The following SCMH1 variants were observed in gnomAD, a reference collection of about 807,000 sequenced individuals.
SCMH1 encodes polycomb protein SCMH1.
Under a neutral mutation model 70.8 loss-of-function variants are expected in SCMH1, and 37 were observed. The observed-to-expected ratio is 0.52, with a 90% CI of 0.40 to 0.69. The LOEUF (loss-of-function observed/expected upper bound fraction) is 0.69, where lower values mean the gene tolerates loss of function less well. Among genes scored for constraint, SCMH1 ranks in the 30% least tolerant of loss-of-function variants. The pLI is 0.00. For synonymous variants in SCMH1, 292 were observed against 307.4 expected (o/e 0.95, Z 0.52); for missense variants, 607 against 827.3 (o/e 0.73, Z 3.27).
chr1:41,050,670 T>G (rs1166681778), intron 10 of SCMH1, among the ~76,000 whole-genome samples: 1 of 151,930 alleles, frequency 6.6e-6, no homozygotes, highest in Non-Finnish European at 1.5e-5. Context: ...AGCCAGATAA[T>G]AAGAGAGGAG....
intron 13 of SCMH1, among the ~76,000 whole-genome samples, chr1:41,036,577 CCCT>C (rs747232947): frequency 5.3e-5 from 8 of 152,102 alleles, no homozygotes; most frequent in Non-Finnish European, 1.2e-4. Flanking sequence ...CTAGTTTTGT[CCCT>C]CCTCAAATCC....
chr1:41,227,947 T>C (rs891332066), intron 1 of SCMH1, among the ~76,000 whole-genome samples: 3 of 152,046 alleles, frequency 2.0e-5, no homozygotes, highest in Admixed American at 1.3e-4. Context: ...GATTGCACCA[T>C]TGCACTCCTG....
At chr1:41,128,666 T>C (rs1049083175) in intron 6 of SCMH1, among the ~76,000 whole-genome samples, 3 of 152,164 alleles carry the variant, frequency 2.0e-5, no homozygotes, top group African/African-American at 4.8e-5. Context: ...TTGGGGTTCA[T>C]TGAGCTTCTC....
Position 41,039,251 on chromosome 1 carries a change from GCAAACCATT to G in SCMH1, c.1499-1719_1499-1711del, listed in dbSNP as rs565554561. On this transcript the variant is annotated intron_variant, in intron 12 of 14. Coordinates refer to ENST00000337495, the Ensembl canonical transcript of SCMH1. ...AGCCAGAGGCTTACCAGATGCTGAT[GCAAACCATT>G]GAGTGTCTCTTCCTTTCAGCAATGC... Among the ~76,000 whole-genome samples, 176 of 152,318 alleles carry G rather than the reference GCAAACCATT, an allele frequency of 1.2e-3. 1 individual carries two copies. The highest frequency in any genetic ancestry group is 3.8e-3 in the African/African-American group (158 of 41,578).
intron 7 of SCMH1, among the ~76,000 whole-genome samples, chr1:41,114,308 T>C (rs1367052917): frequency 6.6e-6 from 1 of 152,238 alleles, no homozygotes; most frequent in African/African-American, 2.4e-5. Flanking sequence ...TGGGTGCTAA[T>C]TTGTAATGCA....
intron 2 of SCMH1, among the ~76,000 whole-genome samples, chr1:41,162,562 CTG>C (rs879670241): frequency 1.4e-4 from 22 of 152,206 alleles, no homozygotes; most frequent in African/African-American, 4.6e-4. Context: ...GAAGATATGA[CTG>C]AACAATCTGC....
intron 7 of SCMH1, among the ~76,000 whole-genome samples, chr1:41,116,580 T>C (rs1670523285): frequency 6.6e-6 from 1 of 152,202 alleles, no homozygotes; most frequent in Non-Finnish European, 1.5e-5. Flanking sequence ...TTTTCTCTGT[T>C]TAGAACATGA....
intron 8 of SCMH1, among the ~76,000 whole-genome samples, chr1:41,083,479 C>G (rs370580578): frequency 6.6e-6 from 1 of 152,156 alleles, no homozygotes; most frequent in East Asian, 1.9e-4. Flanking sequence ...TAAAAGAGGA[C>G]ACAAACAAAT....
intron 1 of SCMH1, among the ~76,000 whole-genome samples, chr1:41,214,295 C>A (rs188001512): frequency 2.0e-4 from 30 of 152,046 alleles, no homozygotes; most frequent in Non-Finnish European, 2.9e-5. Context: ...CTTGGGGTGG[C>A]GCTTTAAATA....
chr1:41,076,096 C>T (rs1338275943), intron 8 of SCMH1, among the ~76,000 whole-genome samples: 13 of 152,054 alleles, frequency 8.5e-5, no homozygotes, highest in African/African-American at 3.1e-4. Context: ...ACTTTTTTGA[C>T]TCTGCCCATC....
chr1:41,103,965 G>GA (rs1357632569), intron 8 of SCMH1, among the ~76,000 whole-genome samples: 1 of 152,030 alleles, frequency 6.6e-6, no homozygotes, highest in African/African-American at 2.4e-5. Flanking sequence ...ATATAACCAA[G>GA]AAAAAATCAG....
intron 5 of SCMH1, among the ~76,000 whole-genome samples, chr1:41,147,605 C>T (rs930381684): frequency 6.6e-6 from 1 of 151,848 alleles, no homozygotes; most frequent in African/African-American, 2.4e-5. Context: ...GATTTTTTTT[C>T]TCTACTTGTT....
At chr1:41,104,813 G>C (rs895418913) in intron 8 of SCMH1, among the ~76,000 whole-genome samples, 1 of 152,158 alleles carries the variant, frequency 6.6e-6, no homozygotes, top group Non-Finnish European at 1.5e-5. Flanking sequence ...GAAGGGCAGG[G>C]GGTGGTCCAG....
intron 4 of SCMH1, chr1:41,152,543 T>C (rs1025415344): frequency 6.4e-7 from 1 of 1,573,118 alleles, no homozygotes; most frequent in Admixed American, 1.7e-5. Flanking sequence ...CACTAAAGAT[T>C]ATCAAGTTCT....
chr1:41,075,163 C>T (rs929088662), intron 9 of SCMH1, 56 bp downstream of exon 9: 25 of 1,565,764 alleles, frequency 1.6e-5, no homozygotes, highest in Non-Finnish European at 2.0e-5. Flanking sequence ...GGCGCCTGGC[C>T]GAATGACCCC....
chr1:41,076,716 T>C (rs1213050242), intron 8 of SCMH1, among the ~76,000 whole-genome samples: 1 of 151,990 alleles, frequency 6.6e-6, no homozygotes, highest in Non-Finnish European at 1.5e-5. Context: ...TAACAACAAG[T>C]GCAAAGAGTC....
rs1039795823 is a variant in SCMH1, at chr1:41,106,192, T to C, written c.745+7091A>G. The stretch of plus-strand genomic sequence containing the variant: ...GCCCAGCCAATAGTTCTTGATTTAG[T>C]TTGGATATTTTGTCCCTGCCCAAAT... On this transcript the variant is annotated intron_variant, in intron 8 of 14. Transcript: ENST00000337495. 6.6e-5 allele frequency among the ~76,000 whole-genome samples: 10 copies of C among 151,650 alleles called. No individual in the cohort carries two copies. The East Asian group carries it at 1.9e-3, about 29-fold the overall frequency.
intron 2 of SCMH1, among the ~76,000 whole-genome samples, chr1:41,171,496 C>T (rs1320784351): frequency 6.6e-6 from 1 of 151,614 alleles, no homozygotes; most frequent in Non-Finnish European, 1.5e-5. Flanking sequence ...ATGGAATGGC[C>T]TTGTGGTAAA....
Position 41,200,274 on chromosome 1 carries a change from G to A in SCMH1, c.-117-14024C>T, listed in dbSNP as rs565589773. On this transcript the variant is annotated intron_variant, in intron 1 of 14. Transcript: ENST00000337495. Reference sequence around the variant, plus strand: ...GGGTGGATCACAAGGTCAGGAGATCGAGACCATCCTGGTTAACATGGTGAA... The same window carrying A: ...GGGTGGATCACAAGGTCAGGAGATCAAGACCATCCTGGTTAACATGGTGAA... Among the ~76,000 whole-genome samples the A allele has an allele frequency of 5.3e-5, 8 of 152,018 alleles. No individual in the cohort carries two copies. In the East Asian group the frequency reaches 1.2e-3, roughly 22 times the overall value.
Sources: allele counts gnomAD v4.1 joint callset (sites outside exome capture counted in the v4.1 genomes callset), GRCh38; gene constraint gnomAD v4.1.1; transcripts MANE v1.5; gene names NCBI Gene and HGNC (gene_info 2026-07-23, HGNC 2026-07-21).